PRKG1: variants seen among roughly 807,000 people sequenced by gnomAD.
PRKG1 encodes the protein protein kinase cGMP-dependent 1, also known as cGMP-dependent protein kinase 1.
PRKG1 carries 35 observed loss-of-function variants against 88.1 expected under a neutral mutation model. The observed-to-expected ratio is 0.40, with a 90% CI of 0.30 to 0.53. PRKG1 has a LOEUF of 0.53. PRKG1 is among the 20% of genes least tolerant of loss of function. The pLI is 0.59. For synonymous variants in PRKG1, 303 were observed against 292.5 expected, an observed-to-expected ratio of 1.04 and a Z score of -0.37; for missense variants, 540 against 839.8, an observed-to-expected ratio of 0.64 and a Z score of 4.41.
intron 3 of PRKG1, among the ~76,000 whole-genome samples, chr10:51,588,113 T>C (rs1224453253): frequency 6.6e-6 from 1 of 152,186 alleles, no homozygotes; most frequent in Non-Finnish European, 1.5e-5. Context: ...TTGACAAACT[T>C]ATCAGAGATT....
chr10:51,216,587 GAC>G (rs1838377414), intron 2 of PRKG1, among the ~76,000 whole-genome samples: 1 of 152,126 alleles, frequency 6.6e-6, no homozygotes, highest in African/African-American at 2.4e-5. Flanking sequence ...AAATACTTAA[GAC>G]AGTAACTGGC....
intron 3 of PRKG1, among the ~76,000 whole-genome samples, chr10:51,494,679 A>G (rs1840803517): frequency 6.6e-6 from 1 of 152,254 alleles, no homozygotes; most frequent in Non-Finnish European, 1.5e-5. Context: ...TGCATGATTT[A>G]GTTCTAGTCT....
chr10:51,401,089 T>C (rs1169075513), intron 2 of PRKG1, among the ~76,000 whole-genome samples: 1 of 152,220 alleles, frequency 6.6e-6, no homozygotes, highest in Non-Finnish European at 1.5e-5. Flanking sequence ...AAATTTTCTA[T>C]TACCTACACT....
chr10:51,804,416 C>CT (rs957953222), intron 3 of PRKG1, among the ~76,000 whole-genome samples, 169 bp from the exon 4 acceptor site: 2 of 151,934 alleles, frequency 1.3e-5, no homozygotes, highest in African/African-American at 4.8e-5. Context: ...ACATATAGGA[C>CT]TTTTTTAATG....
At chr10:51,781,922 C>A (rs1369659811) in intron 3 of PRKG1, among the ~76,000 whole-genome samples, 1 of 150,390 alleles carries the variant, frequency 6.6e-6, no homozygotes, top group Non-Finnish European at 1.5e-5. Context: ...CATCACGTTC[C>A]CCCTCACTTC....
rs575043406 is a variant in PRKG1, at chr10:52,022,580, C to T, written c.763-31904C>T. On this transcript the variant is annotated intron_variant, in intron 5 of 17. Coordinates refer to ENST00000373980, the MANE Select transcript of PRKG1 (RefSeq NM_006258.4). ...ATTTCAAGTGTTCTGGCTATGGTTC[C>T]TAGTACACATGGGAATAGGCAGAAT... Among the ~76,000 whole-genome samples, 10 of 151,958 alleles carry T rather than the reference C, an allele frequency of 6.6e-5. No individual in the cohort carries two copies. The East Asian group carries it at 1.9e-3, about 29-fold the overall frequency.
At chr10:52,272,598 A>G in intron 12 of PRKG1, 117 bp downstream of exon 12, 2 of 742,140 alleles carry the variant, frequency 2.7e-6, no homozygotes, top group Non-Finnish European at 4.5e-6. Flanking sequence ...ACATGCTTAT[A>G]TTTCAATATT....
intron 9 of PRKG1, among the ~76,000 whole-genome samples, chr10:52,231,613 A>G (rs936716794): frequency 3.9e-5 from 6 of 152,176 alleles, no homozygotes; most frequent in Admixed American, 2.0e-4. Context: ...CATTCCTTAT[A>G]TTACCTAAGA....
chr10:52,148,257 T>C (rs996685789), intron 8 of PRKG1, among the ~76,000 whole-genome samples: 8 of 152,164 alleles, frequency 5.3e-5, no homozygotes, highest in African/African-American at 1.9e-4. Flanking sequence ...GCTACTGTTA[T>C]CTTAGTGGGC....
At chr10:51,020,393 C>T in intron 1 of PRKG1, among the ~76,000 whole-genome samples, 1 of 152,102 alleles carries the variant, frequency 6.6e-6, no homozygotes, top group East Asian at 1.9e-4. Flanking sequence ...GTCAACACGT[C>T]TCCGTTTAAC....
At chr10:51,647,089 C>T (rs1330919057) in intron 3 of PRKG1, among the ~76,000 whole-genome samples, 1 of 150,832 alleles carries the variant, frequency 6.6e-6, no homozygotes, top group African/African-American at 2.4e-5. Context: ...ATCTGCTACA[C>T]TGCTCTCTGA....
intron 2 of PRKG1, among the ~76,000 whole-genome samples, chr10:51,404,145 C>A (rs980120921): frequency 6.6e-6 from 1 of 152,120 alleles, no homozygotes; most frequent in Non-Finnish European, 1.5e-5. Context: ...TGTAAGCAAA[C>A]GTGATGTAGC....
intron 9 of PRKG1, among the ~76,000 whole-genome samples, chr10:52,246,448 A>T (rs1841023414): frequency 6.6e-6 from 1 of 152,128 alleles, no homozygotes; most frequent in Admixed American, 6.6e-5. Flanking sequence ...TCTTGGTCTC[A>T]TTTTTATACT....
intron 3 of PRKG1, among the ~76,000 whole-genome samples, chr10:51,677,515 T>G (rs2132360704): frequency 6.6e-6 from 1 of 152,346 alleles, no homozygotes; most frequent in Non-Finnish European, 1.5e-5. Context: ...TATAATGTGC[T>G]TTTTCAGGAA....
intron 3 of PRKG1, among the ~76,000 whole-genome samples, chr10:51,543,902 A>G (rs1564542713): frequency 6.6e-6 from 1 of 152,144 alleles, no homozygotes; most frequent in Non-Finnish European, 1.5e-5. Flanking sequence ...CTCTCCTTAT[A>G]TAATTTGTAA....
At chr10:52,104,002 A>G (rs35259772) in intron 7 of PRKG1, among the ~76,000 whole-genome samples, 27 of 91,712 alleles carry the variant, frequency 2.9e-4, no homozygotes, top group South Asian at 2.2e-3. Context: ...GTGTGTGTGT[A>G]TATATAATAT....
intron 7 of PRKG1, among the ~76,000 whole-genome samples, chr10:52,108,252 C>T (rs1847472009): frequency 6.6e-6 from 1 of 152,196 alleles, no homozygotes. Context: ...AAGATGTTGA[C>T]ATGTACATCA....
At chr10:51,078,798 C>T (rs928962302) in intron 1 of PRKG1, among the ~76,000 whole-genome samples, 4 of 151,442 alleles carry the variant, frequency 2.6e-5, no homozygotes, top group Non-Finnish European at 5.9e-5. Flanking sequence ...TTTGTATTTT[C>T]AGTAGAGACG....
Position 52,047,562 on chromosome 10 carries a change from C to T in PRKG1, c.763-6922C>T, listed in dbSNP as rs200701673. Among the ~76,000 whole-genome samples the T allele has an allele frequency of 5.9e-5, 9 of 152,192 alleles. No homozygotes were observed. In the East Asian group the frequency reaches 1.7e-3, roughly 29 times the overall value. On this transcript the variant is annotated intron_variant, in intron 5 of 17. Coordinates refer to ENST00000373980, the MANE Select transcript of PRKG1 (RefSeq NM_006258.4). ...TATGCTGTTATGAATAGCTTTCAGT[C>T]GTTCTTGGCATCTCTAGATAATCTA...
Sources: gnomAD v4.1 joint callset for allele counts (sites outside exome capture counted in the v4.1 genomes callset) on GRCh38, gnomAD v4.1.1 for gene constraint, MANE v1.5 for transcripts, NCBI Gene and HGNC (gene_info 2026-07-23, HGNC 2026-07-21) for gene names.